EXOC4: variants seen among roughly 807,000 people sequenced by gnomAD.
EXOC4 encodes exocyst complex component 4.
In EXOC4, 71 loss-of-function variants were observed where a neutral mutation model predicts 107.2. The observed-to-expected ratio is 0.66, with a 90% CI of 0.55 to 0.81. The LOEUF (loss-of-function observed/expected upper bound fraction) is 0.81. Among genes scored for constraint, EXOC4 ranks in the 30% least tolerant of loss-of-function variants. EXOC4 has a pLI of 0.00. For synonymous variants in EXOC4, 456 were observed against 441.2 expected (o/e 1.03, Z -0.42); for missense variants, 1,108 against 1,189.6 (o/e 0.93, Z 1.01).
chr7:133,367,387 T>C (rs1042150527), intron 6 of EXOC4, among the ~76,000 whole-genome samples: 29 of 152,106 alleles, frequency 1.9e-4, no homozygotes, highest in African/African-American at 7.0e-4. Context: ...GAGGCACAAG[T>C]GGGCAGTAGA....
the EXOC4 span, among the ~76,000 whole-genome samples, chr7:134,077,469 C>T: frequency 3.3e-5 from 5 of 152,182 alleles, no homozygotes; most frequent in Non-Finnish European, 7.3e-5. Flanking sequence ...TCCCTTAGCT[C>T]AGTCAAGTTG....
At chr7:134,061,909 A>G (rs1241720500) in intron 17 of EXOC4, among the ~76,000 whole-genome samples, 2 of 152,216 alleles carry the variant, frequency 1.3e-5, no homozygotes, top group African/African-American at 4.8e-5. Flanking sequence ...AAGGAGTAGA[A>G]TGCAAAGTTC....
intron 1 of EXOC4, among the ~76,000 whole-genome samples, chr7:133,254,234 G>A (rs1233768997): frequency 6.6e-6 from 1 of 152,110 alleles, no homozygotes; most frequent in Non-Finnish European, 1.5e-5. Context: ...CACATCTTAT[G>A]GGTCTTATTT....
intron 10 of EXOC4, among the ~76,000 whole-genome samples, chr7:133,760,580 C>G (rs1419421764): frequency 6.6e-6 from 1 of 152,156 alleles, no homozygotes; most frequent in Admixed American, 6.5e-5. Flanking sequence ...TGCTCTTTCT[C>G]TTGCTCTGAT....
chr7:133,304,115 A>G (rs1794700992), intron 3 of EXOC4, among the ~76,000 whole-genome samples: 1 of 152,210 alleles, frequency 6.6e-6, no homozygotes, highest in Non-Finnish European at 1.5e-5. Context: ...TTTAAGCTTA[A>G]ATATCTCAGC....
At chr7:133,529,569 A>G (rs1800142754) in intron 9 of EXOC4, among the ~76,000 whole-genome samples, 1 of 152,216 alleles carries the variant, frequency 6.6e-6, no homozygotes, top group African/African-American at 2.4e-5. Flanking sequence ...TAAGCATCAG[A>G]AAGATCTAAA....
At chr7:133,448,942 T>A (rs1410996475) in intron 7 of EXOC4, among the ~76,000 whole-genome samples, 1 of 151,970 alleles carries the variant, frequency 6.6e-6, no homozygotes, top group Non-Finnish European at 1.5e-5. Flanking sequence ...CCATCTCTAC[T>A]AAAAATACAA....
chr7:133,439,628 T>C (rs188526316), intron 7 of EXOC4, among the ~76,000 whole-genome samples: 2 of 152,344 alleles, frequency 1.3e-5, no homozygotes, highest in Admixed American at 1.3e-4. Context: ...GTGAGGATAA[T>C]GATACCACAC....
At position 134,007,656 on chromosome 7, in the gene EXOC4, G is replaced by A. The variant is rs200736538; in HGVS notation, c.2528-20G>A. The A allele has an allele frequency of 5.0e-4, 801 of 1,593,914 alleles. No homozygotes were observed. The highest frequency in any genetic ancestry group is 6.4e-4 in the Non-Finnish European group (746 of 1,170,506). Reference sequence around the variant, plus strand: ...ATCTGTCATCCGTTTTCTTTGCCCCGCACTGTGCTGACCCCTCAGGCCTGG... The same window carrying A: ...ATCTGTCATCCGTTTTCTTTGCCCCACACTGTGCTGACCCCTCAGGCCTGG... On this transcript the variant is annotated intron_variant, in intron 16 of 17. Coordinates refer to ENST00000253861, the MANE Select transcript of EXOC4 (RefSeq NM_021807.4).
At chr7:133,602,606 A>G (rs1801835124) in intron 9 of EXOC4, among the ~76,000 whole-genome samples, 1 of 152,228 alleles carries the variant, frequency 6.6e-6, no homozygotes, top group African/African-American at 2.4e-5. Context: ...ATGTTTCCTA[A>G]AGCCTAATTC....
chr7:133,889,170 T>C (rs1408390932), intron 11 of EXOC4, among the ~76,000 whole-genome samples: 1 of 152,150 alleles, frequency 6.6e-6, no homozygotes, highest in Non-Finnish European at 1.5e-5. Context: ...TCAAAAAGCC[T>C]TGGAGTGATA....
chr7:133,404,876 C>G (rs1053860054), intron 7 of EXOC4, among the ~76,000 whole-genome samples: 3 of 71,280 alleles, frequency 4.2e-5, no homozygotes, highest in Non-Finnish European at 8.1e-5. Context: ...CCTGCGCCCC[C>G]CCCCCCAATA....
At chr7:133,857,510 G>A (rs1472133865) in intron 11 of EXOC4, among the ~76,000 whole-genome samples, 1 of 148,074 alleles carries the variant, frequency 6.8e-6, no homozygotes, top group Non-Finnish European at 1.5e-5. Flanking sequence ...CTGTCCCCTG[G>A]GCTGCCAGGC....
intron 7 of EXOC4, among the ~76,000 whole-genome samples, chr7:133,402,543 G>C (rs1019384020): frequency 5.9e-5 from 9 of 152,202 alleles, no homozygotes; most frequent in African/African-American, 1.7e-4. Flanking sequence ...CTGTTGCCCA[G>C]GCTGGAGTGC....
chr7:133,646,496 A>T (rs1453048501), intron 10 of EXOC4, among the ~76,000 whole-genome samples: 1 of 151,776 alleles, frequency 6.6e-6, no homozygotes, highest in African/African-American at 2.4e-5. Context: ...AATGGCCTTG[A>T]TATTTCTAAA....
intron 14 of EXOC4, among the ~76,000 whole-genome samples, chr7:133,968,227 A>G (rs963448133): frequency 6.6e-6 from 1 of 151,930 alleles, no homozygotes; most frequent in African/African-American, 2.4e-5. Flanking sequence ...TTTTGAGCCT[A>G]TGTGTGTCTT....
intron 10 of EXOC4, among the ~76,000 whole-genome samples, chr7:133,670,466 G>A (rs1020716244): frequency 1.3e-5 from 2 of 152,226 alleles, no homozygotes; most frequent in South Asian, 4.1e-4. Context: ...CGAGCAGGCA[G>A]AGAAACAGCA....
chr7:134,010,382 C>T (rs1426870730), intron 17 of EXOC4: 1 of 152,152 alleles, frequency 6.6e-6, no homozygotes, highest in Non-Finnish European at 1.5e-5. Flanking sequence ...ATCTTCCTTG[C>T]AGTTCGTTCT....
the EXOC4 span, among the ~76,000 whole-genome samples, chr7:134,095,616 A>C: frequency 6.6e-6 from 1 of 152,180 alleles, no homozygotes; most frequent in Non-Finnish European, 1.5e-5. Flanking sequence ...CTGGCTCAAA[A>C]ACAAACACAT....
Sources: gnomAD v4.1 joint callset for allele counts (sites outside exome capture counted in the v4.1 genomes callset) on GRCh38, gnomAD v4.1.1 for gene constraint, MANE v1.5 for transcripts, NCBI Gene and HGNC (gene_info 2026-07-23, HGNC 2026-07-21) for gene names.